Variants in PCBP2 observed in about 807,000 individuals in gnomAD.
PCBP2 encodes poly(rC)-binding protein 2.
PCBP2 carries 4 observed loss-of-function variants against 50.1 expected under a neutral mutation model. The ratio of observed to expected loss-of-function variants is 0.08; its 90% CI spans 0.04 to 0.18. The LOEUF is 0.18. Among genes scored for constraint, PCBP2 ranks in the 10% least tolerant of loss-of-function variants. The pLI is 1.00. For synonymous variants in PCBP2, 179 were observed against 168.0 expected, an observed-to-expected ratio of 1.07 and a Z score of -0.51; for missense variants, 161 against 474.3, an observed-to-expected ratio of 0.34 and a Z score of 6.14.
chr12:53,473,815 G>T (rs1351752281), intron 14 of PCBP2, among the ~76,000 whole-genome samples: 1 of 151,280 alleles, frequency 6.6e-6, no homozygotes, highest in Admixed American at 6.6e-5. Context: ...GATTTTACTG[G>T]ATTCTGAGCA....
At position 53,455,929 on chromosome 12, in the gene PCBP2, A is replaced by G; in HGVS notation, c.171A>G (p.Arg57=). 1 of 1,613,770 alleles carries G rather than the reference A, an allele frequency of 6.2e-7. No homozygotes were observed. Among genetic ancestry groups the G allele is most frequent in the Non-Finnish European group, 8.5e-7 (1 of 1,179,718 alleles). ...INISEGNCPE[R]IITLAGPTNA... ...TCTCAGAAGGGAATTGTCCTGAGAG[A>G]ATTATCACTTTGGCTGGACCCACTA... Residue 57 remains arginine, a synonymous_variant, in exon 5 of 15, where the codon AGA becomes AGG. Coordinates refer to ENST00000546463, the MANE Select transcript of PCBP2 (RefSeq NM_031989.5).
At chr12:53,470,496 C>G (rs1366027490) in intron 13 of PCBP2, among the ~76,000 whole-genome samples, 1 of 150,916 alleles carries the variant, frequency 6.6e-6, no homozygotes, top group Non-Finnish European at 1.5e-5. Context: ...CCTTGAACTT[C>G]CAGGCTTAAG....
At chr12:53,467,440 A>G (rs1325369254) in intron 11 of PCBP2, 147 bp downstream of exon 11, 1 of 756,852 alleles carries the variant, frequency 1.3e-6, no homozygotes, top group Admixed American at 1.9e-5. Flanking sequence ...GGCTAAGCCC[A>G]AGGAGGTAAT....
chr12:53,461,532 G>T (rs750771479), intron 7 of PCBP2, among the ~76,000 whole-genome samples: 23 of 152,180 alleles, frequency 1.5e-4, no homozygotes, highest in Non-Finnish European at 3.1e-4. Context: ...CTTTGTAGGA[G>T]GGTATTCAAA....
Position 53,464,789 on chromosome 12 carries a change from G to C in PCBP2, c.609G>C (p.Ala203=). 5.0e-6 allele frequency: 8 copies of C among 1,611,800 alleles called. No individual in the cohort carries two copies. Among genetic ancestry groups the C allele is most frequent in the Non-Finnish European group, 6.8e-6 (8 of 1,179,024 alleles). ...QDRYSTGSDS[A]SFPHTTPSMC... Reference sequence around the variant, plus strand: ...GGTACAGCACAGGCAGCGACAGTGCGAGCTTTCCCCACACCACCCCGTCCA... The same window carrying C: ...GGTACAGCACAGGCAGCGACAGTGCCAGCTTTCCCCACACCACCCCGTCCA... Residue 203 remains alanine (A), a synonymous_variant, in exon 9 of 15, where the codon GCG becomes GCC. Transcript: ENST00000546463.
intron 8 of PCBP2, among the ~76,000 whole-genome samples, chr12:53,464,279 C>G (rs142907359): frequency 1.3e-5 from 2 of 151,882 alleles, no homozygotes; most frequent in Admixed American, 6.6e-5. Flanking sequence ...CCCATCACAC[C>G]TCCCCCTTCA....
Position 53,459,212 on chromosome 12 carries a change from T to C in PCBP2, c.244-60T>C, listed in dbSNP as rs1941266601. On this transcript the variant is annotated intron_variant, in intron 5 of 14. Transcript: ENST00000546463. ...TTACCCTAATAAGGGTAAGTGGTTC[T>C]TTAATGGCAGTTACTAGTTTCCAGG... 5 of 1,494,060 alleles carry C rather than the reference T, an allele frequency of 3.3e-6. No homozygotes were observed. In the South Asian group the frequency reaches 5.3e-5, roughly 16 times the overall value. The allele number at this position is 1,494,060 out of a possible 1,614,324, so 92.6% of individuals were successfully genotyped here.
At chr12:53,470,422 T>G (rs1182046118) in intron 13 of PCBP2, among the ~76,000 whole-genome samples, 1 of 149,656 alleles carries the variant, frequency 6.7e-6, no homozygotes, top group Non-Finnish European at 1.5e-5. Flanking sequence ...CTTTTTTTTT[T>G]GACAAAGGGT....
intron 8 of PCBP2, among the ~76,000 whole-genome samples, chr12:53,463,458 A>G (rs1941593328): frequency 6.6e-6 from 1 of 152,216 alleles, no homozygotes; most frequent in Non-Finnish European, 1.5e-5. Flanking sequence ...TGTACTGAAC[A>G]TGTACAGGCT....
chr12:53,469,760 C>CTTTTT (rs71444805), intron 13 of PCBP2, among the ~76,000 whole-genome samples: 20 of 114,132 alleles, frequency 1.8e-4, no homozygotes, highest in Non-Finnish European at 2.6e-4. Flanking sequence ...ACATTTGCTG[C>CTTTTT]TTTTTTTTTT....
At chr12:53,455,324 G>A (rs752582275) in intron 2 of PCBP2, 23 bp from the exon 3 acceptor site, 1 of 1,608,644 alleles carries the variant, frequency 6.2e-7, no homozygotes, top group East Asian at 2.2e-5. Context: ...TCCTCTTACT[G>A]ACGTTAGTTT....
At chr12:53,472,832 C>T (rs914100646) in intron 14 of PCBP2, among the ~76,000 whole-genome samples, 1 of 152,118 alleles carries the variant, frequency 6.6e-6, no homozygotes, top group Non-Finnish European at 1.5e-5. Flanking sequence ...GACTTCATAT[C>T]TTGAGGTGCT....
At chr12:53,458,639 C>T (rs1941223186) in intron 5 of PCBP2, among the ~76,000 whole-genome samples, 1 of 147,024 alleles carries the variant, frequency 6.8e-6, no homozygotes, top group African/African-American at 2.5e-5. Context: ...TTCGATTTGA[C>T]TTAATTTTTT....
chr12:53,452,897 C>G (rs542403191), intron 1 of PCBP2: 1 of 151,980 alleles, frequency 6.6e-6, no homozygotes, highest in East Asian at 1.9e-4. Flanking sequence ...CTTGGATAAC[C>G]GAGGGGAGAG....
intron 14 of PCBP2, among the ~76,000 whole-genome samples, chr12:53,473,269 T>C (rs1338630134): frequency 6.6e-6 from 1 of 151,832 alleles, no homozygotes; most frequent in Admixed American, 6.6e-5. Context: ...ATTTTTAGTA[T>C]AGACGGGGTT....
At chr12:53,458,984 G>A (rs1941250994) in intron 5 of PCBP2, among the ~76,000 whole-genome samples, 1 of 152,030 alleles carries the variant, frequency 6.6e-6, no homozygotes, top group African/African-American at 2.4e-5. Flanking sequence ...CCATTGCCTG[G>A]CCAAGTGTAA....
At chr12:53,463,421 T>G (rs1941590760) in intron 8 of PCBP2, among the ~76,000 whole-genome samples, 1 of 152,090 alleles carries the variant, frequency 6.6e-6, no homozygotes, top group South Asian at 2.1e-4. Context: ...TCAAAAGTAT[T>G]CAGGGAAAAA....
At chr12:53,474,623 T>C (rs996996855) in intron 14 of PCBP2, among the ~76,000 whole-genome samples, 1 of 152,190 alleles carries the variant, frequency 6.6e-6, no homozygotes, top group Admixed American at 6.5e-5. Flanking sequence ...TGATTTCTTT[T>C]CTCTGTCAGC....
At chr12:53,457,467 T>TA (rs757039905) in intron 5 of PCBP2, among the ~76,000 whole-genome samples, 8 of 152,124 alleles carry the variant, frequency 5.3e-5, no homozygotes, top group Non-Finnish European at 1.0e-4. Flanking sequence ...CACCTAAGCC[T>TA]ACCCAGTAGG....
Sources: gnomAD v4.1 joint callset for allele counts (sites outside exome capture counted in the v4.1 genomes callset) on GRCh38, gnomAD v4.1.1 for gene constraint, MANE v1.5 for transcripts, NCBI Gene and HGNC (gene_info 2026-07-23, HGNC 2026-07-21) for gene names.